EYS: variants seen among roughly 807,000 people sequenced by gnomAD.
EYS encodes the protein protein eyes shut homolog.
EYS carries 250 observed loss-of-function variants against 282.1 expected under a neutral mutation model. The ratio of observed to expected loss-of-function variants is 0.89; its 90% CI spans 0.80 to 0.98. The LOEUF (loss-of-function observed/expected upper bound fraction) is 0.98. Ranked by LOEUF, EYS falls within the 50% of genes least tolerant of loss-of-function variation. EYS has a pLI of 0.00. For missense variants in EYS, 4,016 were observed against 3,709.0 expected, an observed-to-expected ratio of 1.08 and a Z score of -2.15; for synonymous variants, 1,355 against 1,282.9, an observed-to-expected ratio of 1.06 and a Z score of -1.20.
At chr6:64,864,255 G>C (rs576159628) in intron 19 of EYS, among the ~76,000 whole-genome samples, 59 of 151,852 alleles carry the variant, frequency 3.9e-4, no homozygotes, top group African/African-American at 1.4e-3. Flanking sequence ...TGTCCCCCTT[G>C]GTACTGGCTA....
chr6:64,295,476 A>G (rs111936841), intron 30 of EYS, among the ~76,000 whole-genome samples: 9 of 39,468 alleles, frequency 2.3e-4, no homozygotes, highest in East Asian at 4.3e-4. Context: ...GAAGAAGAAG[A>G]AGAAGAAGAA....
intron 29 of EYS, among the ~76,000 whole-genome samples, chr6:64,313,971 A>T (rs189439200): frequency 6.6e-6 from 1 of 152,218 alleles, no homozygotes; most frequent in East Asian, 1.9e-4. Flanking sequence ...AATGGGCAAA[A>T]TAACCAGCAA....
chr6:64,501,372 C>G (rs572285708), intron 26 of EYS, among the ~76,000 whole-genome samples: 2 of 151,780 alleles, frequency 1.3e-5, no homozygotes, highest in South Asian at 4.2e-4. Flanking sequence ...ACATAAAAAG[C>G]AGAAACAAAA....
rs571845657 is a variant in EYS, at chr6:65,050,482, C to T, written c.2137+7132G>A. On this transcript the variant is annotated intron_variant, in intron 13 of 42. Coordinates refer to ENST00000503581, the MANE Select transcript of EYS (RefSeq NM_001142800.2). ...TCATTCAATTTATTTGACCACTCCT[C>T]CAAAATAATACTCATATTGTCATTT... Among the ~76,000 whole-genome samples the T allele has an allele frequency of 3.3e-5, 5 of 151,628 alleles. No individual in the cohort carries two copies. In the South Asian group the frequency reaches 1.0e-3, roughly 32 times the overall value.
At chr6:65,695,835 A>T (rs9363420) in intron 1 of EYS, among the ~76,000 whole-genome samples, 9 of 152,060 alleles carry the variant, frequency 5.9e-5, no homozygotes, top group African/African-American at 2.2e-4. Context: ...CAAAGTAGCA[A>T]TTTGGCTATT....
chr6:64,852,311 A>G (rs116630113), intron 19 of EYS, among the ~76,000 whole-genome samples: 3,459 of 152,222 alleles, frequency 0.023, 137 homozygotes, highest in African/African-American at 0.08. Context: ...AGCTGCCAGC[A>G]TGGCCAGGAT....
rs1438190625 is a variant in EYS at position 63,864,232 on chromosome 6, A to C, written c.7182T>G (p.Ile2394Met). 1 of 1,550,804 alleles carries C rather than the reference A, an allele frequency of 6.4e-7. No homozygotes were observed. Among genetic ancestry groups the C allele is most frequent in the Non-Finnish European group, 8.7e-7 (1 of 1,146,516 alleles). The change falls in exon 36 of 43, where the codon ATT (isoleucine) becomes ATG (methionine). Residue 2394 changes from isoleucine to methionine, a missense_variant. Coordinates refer to ENST00000503581, the MANE Select transcript of EYS (RefSeq NM_001142800.2). ...ATCVPKSGTD[I>M]VCLCPYGRSG... ...ACCTCCCATATGGGCAGAGGCAGACAATATCTGTTCCGGATTTTGGAACAC... is the reference window on the plus strand; with the variant it reads ...ACCTCCCATATGGGCAGAGGCAGACCATATCTGTTCCGGATTTTGGAACAC...
At chr6:64,179,675 A>G (rs1283387376) in intron 31 of EYS, among the ~76,000 whole-genome samples, 2 of 152,112 alleles carry the variant, frequency 1.3e-5, no homozygotes, top group African/African-American at 4.8e-5. Flanking sequence ...CTTAAATTCT[A>G]TTCTTTCAGG....
intron 26 of EYS, among the ~76,000 whole-genome samples, chr6:64,575,117 A>G (rs1488724547): frequency 6.6e-6 from 1 of 152,270 alleles, no homozygotes; most frequent in African/African-American, 2.4e-5. Flanking sequence ...ATCAAACAGA[A>G]AAGTATAGCA....
intron 26 of EYS, among the ~76,000 whole-genome samples, chr6:64,507,353 A>C (rs2150516354): frequency 6.6e-6 from 1 of 152,282 alleles, no homozygotes; most frequent in Non-Finnish European, 1.5e-5. Context: ...GAGAGAAGAA[A>C]ATGAAGTCTT....
intron 11 of EYS, chr6:65,329,613 A>G: frequency 1.0e-6 from 1 of 980,124 alleles, no homozygotes; most frequent in Non-Finnish European, 1.2e-6. Flanking sequence ...TAAAACTTTT[A>G]CTTGAAGGCA....
At chr6:64,570,819 C>T (rs1432372697) in intron 26 of EYS, among the ~76,000 whole-genome samples, 1 of 152,020 alleles carries the variant, frequency 6.6e-6, no homozygotes, top group African/African-American at 2.4e-5. Flanking sequence ...ACTTAGACTC[C>T]CATACAATAA....
intron 29 of EYS, among the ~76,000 whole-genome samples, chr6:64,314,557 A>G (rs371094530): frequency 3.9e-5 from 6 of 152,294 alleles, no homozygotes; most frequent in African/African-American, 1.4e-4. Context: ...AGCAAATGCA[A>G]AAGAAAAAAA....
chr6:65,170,245 C>CAG lies in EYS; in HGVS notation c.2024-112520_2024-112519dup, dbSNP rs796637456. On this transcript the variant is annotated intron_variant, in intron 12 of 42. Coordinates refer to ENST00000503581, the MANE Select transcript of EYS (RefSeq NM_001142800.2). ...GCGTGCACGCACACACACACACACA[C>CAG]AGAGAGAGGAGAGAAAGAAAGAACC... 1.7e-3 allele frequency among the ~76,000 whole-genome samples: 256 copies of CAG among 151,058 alleles called. 1 individual carries two copies. The highest frequency in any genetic ancestry group is 5.4e-3 in the African/African-American group (222 of 41,250).
chr6:64,030,034 G>A (rs146282204), intron 33 of EYS, among the ~76,000 whole-genome samples: 192 of 152,300 alleles, frequency 1.3e-3, no homozygotes, highest in African/African-American at 3.4e-3. Context: ...AAGAAGAGGG[G>A]AGAACAGCAG....
At chr6:64,907,842 A>T (rs1309325490) in intron 16 of EYS, among the ~76,000 whole-genome samples, 2 of 152,152 alleles carry the variant, frequency 1.3e-5, no homozygotes, top group Non-Finnish European at 2.9e-5. Context: ...ATAAAATAAA[A>T]AAAAAAGTCT....
At chr6:65,478,520 T>C (rs562170878) in intron 5 of EYS, among the ~76,000 whole-genome samples, 75 of 152,272 alleles carry the variant, frequency 4.9e-4, no homozygotes, top group African/African-American at 1.8e-3. Flanking sequence ...TGAAAGATGC[T>C]ACTCAATTCT....
chr6:63,956,172 A>G (rs1284377361), intron 35 of EYS, among the ~76,000 whole-genome samples: 2 of 152,124 alleles, frequency 1.3e-5, no homozygotes, highest in Non-Finnish European at 2.9e-5. Context: ...CAGGCCTCTG[A>G]GCCCAAGCCT....
At chr6:63,999,035 G>T in intron 34 of EYS, 40 bp downstream of exon 34, 2 of 1,192,596 alleles carry the variant, frequency 1.7e-6, no homozygotes, top group Non-Finnish European at 2.4e-6. Context: ...AAATACTGAG[G>T]GCACAATTAG....
Sources: gnomAD v4.1 joint callset for allele counts (sites outside exome capture counted in the v4.1 genomes callset) on GRCh38, gnomAD v4.1.1 for gene constraint, MANE v1.5 for transcripts, NCBI Gene and HGNC (gene_info 2026-07-23, HGNC 2026-07-21) for gene names.